The following KIAA1217 variants were observed in gnomAD, a reference collection of about 807,000 sequenced individuals.
The protein encoded by KIAA1217 is sickle tail protein homolog.
Under a neutral mutation model 163.9 loss-of-function variants are expected in KIAA1217, and 88 were observed. The observed-to-expected ratio is 0.54, with a 90% confidence interval of 0.45 to 0.64. The LOEUF (loss-of-function observed/expected upper bound fraction) is 0.64. Ranked by LOEUF, KIAA1217 falls within the 30% of genes least tolerant of loss-of-function variation. KIAA1217 has a pLI of 0.00. For missense variants in KIAA1217, 2,372 were observed against 2,475.0 expected, an observed-to-expected ratio of 0.96 and a Z score of 0.88; for synonymous variants, 903 against 923.1, an observed-to-expected ratio of 0.98 and a Z score of 0.39.
chr10:23,885,560 G>T (rs1841135848), intron 1 of KIAA1217, among the ~76,000 whole-genome samples: 2 of 151,962 alleles, frequency 1.3e-5, no homozygotes, highest in South Asian at 2.1e-4. Flanking sequence ...TCTCTTTATA[G>T]ACTTGATCTC....
chr10:23,728,470 G>A lies in KIAA1217; in HGVS notation c.-321+33236G>A, dbSNP rs1838290709. Among the ~76,000 whole-genome samples the A allele has an allele frequency of 2.0e-5, 3 of 150,712 alleles. No individual in the cohort carries two copies. The South Asian group carries it at 6.2e-4, about 31-fold the overall frequency. ...TGGCTGCACAAATGTCTTTTTTTGAGAAATGTCTGTTCATATCCTTTGCCC... is the reference window on the plus strand; with the variant it reads ...TGGCTGCACAAATGTCTTTTTTTGAAAAATGTCTGTTCATATCCTTTGCCC... On this transcript the variant is annotated intron_variant, in intron 1 of 18. Coordinates refer to the KIAA1217 transcript ENST00000376462.
chr10:24,282,194 C>G (rs2078020396), intron 2 of KIAA1217, among the ~76,000 whole-genome samples: 1 of 105,264 alleles, frequency 9.5e-6, no homozygotes, highest in African/African-American at 3.9e-5. Flanking sequence ...ATAGAGACCT[C>G]ACCTCTACAA....
intron 2 of KIAA1217, among the ~76,000 whole-genome samples, chr10:24,371,404 CAA>C (rs2051629460): frequency 2.6e-5 from 4 of 152,092 alleles, no homozygotes; most frequent in Non-Finnish European, 4.4e-5. Context: ...GCTAAAATTC[CAA>C]ATTTACCTAG....
chr10:24,033,034 A>G (rs967731663), intron 2 of KIAA1217, among the ~76,000 whole-genome samples: 3 of 152,182 alleles, frequency 2.0e-5, no homozygotes, highest in Admixed American at 1.3e-4. Context: ...TCAGCCTTCT[A>G]TGTAAGGGAG....
chr10:24,455,135 A>G (rs976939013), intron 5 of KIAA1217, among the ~76,000 whole-genome samples: 2 of 152,196 alleles, frequency 1.3e-5, no homozygotes, highest in African/African-American at 2.4e-5. Flanking sequence ...TATTATTCGT[A>G]ACAATGATCT....
intron 11 of KIAA1217, among the ~76,000 whole-genome samples, chr10:24,520,651 A>ATATAT (rs1214959660): frequency 2.0e-4 from 8 of 39,648 alleles, no homozygotes; most frequent in Non-Finnish European, 3.9e-4. Context: ...AAAAAAAAAA[A>ATATAT]ATATATATAT....
chr10:23,856,833 C>T (rs1020697004), intron 1 of KIAA1217, among the ~76,000 whole-genome samples: 2 of 152,240 alleles, frequency 1.3e-5, no homozygotes, highest in Admixed American at 6.5e-5. Context: ...GATATAATCT[C>T]CTGGTGCGCC....
chr10:24,253,062 A>G (rs1004993320), intron 2 of KIAA1217, among the ~76,000 whole-genome samples: 17 of 151,806 alleles, frequency 1.1e-4, no homozygotes, highest in Non-Finnish European at 5.9e-5. Context: ...CCGGGCAAAG[A>G]GTGAGCAAGA....
intron 2 of KIAA1217, among the ~76,000 whole-genome samples, chr10:24,365,461 C>T (rs1591348392): frequency 6.6e-6 from 1 of 151,972 alleles, no homozygotes; most frequent in South Asian, 2.1e-4. Flanking sequence ...TTATCTTACA[C>T]TTTTATTTAC....
At chr10:24,253,329 T>C (rs2074768576) in intron 2 of KIAA1217, among the ~76,000 whole-genome samples, 1 of 152,186 alleles carries the variant, frequency 6.6e-6, no homozygotes, top group Non-Finnish European at 1.5e-5. Context: ...AAGCTGTCCT[T>C]CTATCTCTGT....
chr10:24,541,310 G>A (rs1021500922), intron 17 of KIAA1217, among the ~76,000 whole-genome samples: 1 of 151,884 alleles, frequency 6.6e-6, no homozygotes, highest in Admixed American at 6.6e-5. Context: ...CCGAATCATG[G>A]CACTTGTTTG....
At chr10:24,380,627 A>AATAG (rs1030189539) in intron 2 of KIAA1217, among the ~76,000 whole-genome samples, 7 of 142,674 alleles carry the variant, frequency 4.9e-5, no homozygotes, top group African/African-American at 1.9e-4. Context: ...TAAATAAATA[A>AATAG]ATAAATAAAT....
intron 2 of KIAA1217, among the ~76,000 whole-genome samples, chr10:24,276,974 G>T (rs1166208731): frequency 1.3e-5 from 2 of 151,776 alleles, no homozygotes; most frequent in Admixed American, 1.3e-4. Flanking sequence ...GCCCAAGCTG[G>T]TGTCAAATTC....
chr10:24,467,041 A>G (rs949525895), intron 5 of KIAA1217, among the ~76,000 whole-genome samples: 1 of 150,274 alleles, frequency 6.7e-6, no homozygotes. Flanking sequence ...AATATTTTTT[A>G]TACTAGGTTT....
chr10:24,099,397 A>G (rs957953833), intron 2 of KIAA1217, among the ~76,000 whole-genome samples: 4 of 150,516 alleles, frequency 2.7e-5, no homozygotes, highest in Non-Finnish European at 5.9e-5. Context: ...AAGTGTTCTC[A>G]TTGTTCAATT....
intron 2 of KIAA1217, among the ~76,000 whole-genome samples, chr10:24,067,257 T>C (rs1037666358): frequency 6.6e-6 from 1 of 152,216 alleles, no homozygotes; most frequent in Non-Finnish European, 1.5e-5. Flanking sequence ...CTCTGTTTTT[T>C]CCCCATCTTT....
chr10:24,168,210 TA>T (rs2065449766), intron 2 of KIAA1217, among the ~76,000 whole-genome samples: 1 of 152,208 alleles, frequency 6.6e-6, no homozygotes, highest in South Asian at 2.1e-4. Context: ...ATCACAATGA[TA>T]AAAATTATGA....
At chr10:23,824,695 T>C (rs544467525) in intron 1 of KIAA1217, among the ~76,000 whole-genome samples, 1 of 136,992 alleles carries the variant, frequency 7.3e-6, no homozygotes, top group African/African-American at 2.7e-5. Context: ...ATATATGATA[T>C]GTAAAGGAGA....
At chr10:23,954,629 AGGAG>A (rs1206753597) in intron 1 of KIAA1217, among the ~76,000 whole-genome samples, 11 of 151,500 alleles carry the variant, frequency 7.3e-5, no homozygotes, top group Non-Finnish European at 4.4e-5. Context: ...GAAAGAAGGA[AGGAG>A]GGAGGGAGGG....
Sources: allele counts gnomAD v4.1 joint callset (sites outside exome capture counted in the v4.1 genomes callset), GRCh38; gene constraint gnomAD v4.1.1; transcripts MANE v1.5; gene names NCBI Gene and HGNC (gene_info 2026-07-23, HGNC 2026-07-21).